PACC1: variants seen among roughly 807,000 people sequenced by gnomAD.
PACC1 encodes the protein proton activated chloride channel 1.
In PACC1, 34 loss-of-function variants were observed where a neutral mutation model predicts 39.7. The observed-to-expected ratio is 0.86, with a 90% CI of 0.65 to 1.14. The LOEUF is 1.14. Among genes scored for constraint, PACC1 ranks in the 50% most tolerant of loss-of-function variants. The pLI is 0.00. For missense variants in PACC1, 379 were observed against 436.4 expected (o/e 0.87, Z 1.17); for synonymous variants, 127 against 160.6 (o/e 0.79, Z 1.58).
intron 2 of PACC1, among the ~76,000 whole-genome samples, chr1:212,401,761 C>T (rs1473113144): frequency 6.6e-6 from 1 of 150,534 alleles, no homozygotes; most frequent in Non-Finnish European, 1.5e-5. Flanking sequence ...GCAACCTCCA[C>T]CTCCCGGGTT....
At chr1:212,372,664 C>T (rs1187420262) in intron 7 of PACC1, among the ~76,000 whole-genome samples, 2 of 152,156 alleles carry the variant, frequency 1.3e-5, no homozygotes, top group African/African-American at 4.8e-5. Flanking sequence ...AAAATCAACA[C>T]ACCCAAATCA....
intron 1 of PACC1, chr1:212,414,147 T>C: frequency 1.4e-6 from 2 of 1,438,548 alleles, no homozygotes; most frequent in Non-Finnish European, 1.8e-6. Context: ...GAGGTGAGAC[T>C]GGAGGGAGAG....
At chr1:212,406,590 AC>A (rs1661927885) in intron 2 of PACC1, among the ~76,000 whole-genome samples, 1 of 152,136 alleles carries the variant, frequency 6.6e-6, no homozygotes, top group South Asian at 2.1e-4. Flanking sequence ...GAGCCAACTC[AC>A]TACTGACCCA....
At chr1:212,380,095 G>T in intron 4 of PACC1, 58 bp from the exon 5 acceptor site, 1 of 1,576,180 alleles carries the variant, frequency 6.3e-7, no homozygotes, top group Non-Finnish European at 8.6e-7. Flanking sequence ...AGGCCTCTGG[G>T]TCTGAGGGCA....
intron 2 of PACC1, among the ~76,000 whole-genome samples, chr1:212,407,813 G>A (rs906790441): frequency 6.6e-6 from 1 of 152,150 alleles, no homozygotes; most frequent in East Asian, 1.9e-4. Context: ...GGTGGCCCAC[G>A]CCTGTAATCC....
intron 7 of PACC1, among the ~76,000 whole-genome samples, chr1:212,366,624 T>C (rs1660256460): frequency 6.6e-6 from 1 of 152,204 alleles, no homozygotes; most frequent in African/African-American, 2.4e-5. Flanking sequence ...TGTTCACATA[T>C]GAAAATGGTG....
At position 212,386,140 on chromosome 1, in the gene PACC1, G is replaced by C. The variant is rs1402398186; in HGVS notation, c.344-715C>G. ...AGGCTGGCAGGAAGCCCCAGAGAGA[G>C]GGCACCCGGACTCTGGCTCTGCCAT... On this transcript the variant is annotated intron_variant, in intron 3 of 7. Transcript: ENST00000261455. This position sits in a 1 kb window ranked among gnomAD's most constrained non-coding sequence, Gnocchi z 5.0. Among the ~76,000 whole-genome samples the C allele has an allele frequency of 6.6e-6, 1 of 152,172 alleles. No homozygotes were observed.
At chr1:212,395,257 G>A (rs1661469799) in intron 2 of PACC1, among the ~76,000 whole-genome samples, 1 of 152,166 alleles carries the variant, frequency 6.6e-6, no homozygotes, top group Admixed American at 6.5e-5. Context: ...CAATGGAACA[G>A]AACAGAGCCC....
At chr1:212,412,414 C>A (rs982005476) in intron 1 of PACC1, among the ~76,000 whole-genome samples, 3 of 152,206 alleles carry the variant, frequency 2.0e-5, no homozygotes, top group African/African-American at 7.2e-5. Context: ...CTGCCCCTGG[C>A]CAAATTCTCA....
chr1:212,365,397 A>C (rs1231405574), intron 7 of PACC1, 21 bp from the exon 8 acceptor site: 10 of 1,589,248 alleles, frequency 6.3e-6, no homozygotes, highest in Middle Eastern at 3.4e-4. Flanking sequence ...AACAGAAACA[A>C]ACAGGATTAC....
At chr1:212,377,512 C>T (rs375353691) in intron 6 of PACC1, 50 bp downstream of exon 6, 148 of 1,609,186 alleles carry the variant, frequency 9.2e-5, no homozygotes, top group South Asian at 7.3e-4. Flanking sequence ...ACCTCAGACT[C>T]GAATGTGGAA....
chr1:212,413,794 A>G (rs1662222349), intron 1 of PACC1: 15 of 1,297,274 alleles, frequency 1.2e-5, no homozygotes, highest in East Asian at 2.6e-5. Flanking sequence ...CAGGGCCTCA[A>G]GGCAAATCTG....
intron 5 of PACC1, among the ~76,000 whole-genome samples, chr1:212,378,404 T>A (rs1302250534): frequency 1.3e-5 from 2 of 151,952 alleles, no homozygotes; most frequent in African/African-American, 4.8e-5. Context: ...GGGTGGAAAA[T>A]GCTAAGGCAG....
chr1:212,376,294 G>C (rs1291939120), intron 6 of PACC1, among the ~76,000 whole-genome samples: 1 of 152,168 alleles, frequency 6.6e-6, no homozygotes, highest in Non-Finnish European at 1.5e-5. Flanking sequence ...ACCTATGTGA[G>C]AGCACTCTAA....
At chr1:212,378,022 C>T (rs925682998) in intron 5 of PACC1, among the ~76,000 whole-genome samples, 1 of 152,212 alleles carries the variant, frequency 6.6e-6, no homozygotes, top group Non-Finnish European at 1.5e-5. Flanking sequence ...GCTACCAAAG[C>T]TGTCGGCAAT....
At chr1:212,365,497 C>T in intron 7 of PACC1, 121 bp from the exon 8 acceptor site, 1 of 1,065,524 alleles carries the variant, frequency 9.4e-7, no homozygotes, top group Non-Finnish European at 1.3e-6. Flanking sequence ...GTGGCGCAAT[C>T]TCGGCTCAGT....
chr1:212,385,430 G>A lies in PACC1; in HGVS notation c.344-5C>T, dbSNP rs765503795. The A allele has an allele frequency of 1.9e-6, 3 of 1,613,928 alleles. No homozygotes were observed. The South Asian group carries it at 3.3e-5, about 18-fold the overall frequency. On this transcript the variant is annotated splice_polypyrimidine_tract_variant and splice_region_variant and intron_variant, in intron 3 of 7. Coordinates refer to ENST00000261455, the MANE Select transcript of PACC1 (RefSeq NM_018252.3). ...GACCGGGGTACAAGGCAATACCTGG[G>A]GGCACAAACAGGAAAAGCAAGTGTC...
rs10529310 is a variant in PACC1 at position 212,381,770 on chromosome 1, G to GACACACACAC, written c.496-1743_496-1734dup. ...AACAATGCCCAGGGGACAGCACAGT[G>GACACACACAC]ACACACACACACACACACACACACA... On this transcript the variant is annotated intron_variant, in intron 4 of 7. Transcript: ENST00000261455. Among the ~76,000 whole-genome samples, 72 of 118,144 alleles carry GACACACACAC rather than the reference G, an allele frequency of 6.1e-4. 3 individuals carry two copies. Among genetic ancestry groups the GACACACACAC allele is most frequent in the African/African-American group, 2.0e-3 (56 of 27,772 alleles). 77.5% of individuals were successfully genotyped at this position (118,144 alleles called of 152,430 possible).
intron 2 of PACC1, among the ~76,000 whole-genome samples, chr1:212,402,300 ATC>A (rs1458630310): frequency 1.3e-5 from 2 of 152,174 alleles, no homozygotes; most frequent in Non-Finnish European, 2.9e-5. Context: ...GGGGGTTCCA[ATC>A]TCTCTACATC....
Sources: gnomAD v4.1 joint callset for allele counts (sites outside exome capture counted in the v4.1 genomes callset) on GRCh38, gnomAD v4.1.1 for gene constraint, Gnocchi (gnomAD v3.1) non-coding constraint, MANE v1.5 for transcripts, NCBI Gene and HGNC (gene_info 2026-07-23, HGNC 2026-07-21) for gene names.